The following WWC2 variants were observed in gnomAD, a reference collection of about 807,000 sequenced individuals.
WWC2 encodes the protein WW and C2 domain containing 2.
In WWC2, 101 loss-of-function variants were observed where a neutral mutation model predicts 138.5. The observed-to-expected ratio is 0.73, with a 90% confidence interval of 0.62 to 0.86. The LOEUF is 0.86. WWC2 is among the 40% of genes least tolerant of loss of function. The pLI, the probability that WWC2 is intolerant of heterozygous loss-of-function variation, is 0.00. For missense variants in WWC2, 1,420 were observed against 1,419.4 expected, an observed-to-expected ratio of 1.00 and a Z score of -0.01; for synonymous variants, 558 against 538.4, an observed-to-expected ratio of 1.04 and a Z score of -0.50.
At chr4:183,158,721 A>G (rs1323597614) in intron 1 of WWC2, among the ~76,000 whole-genome samples, 1 of 152,140 alleles carries the variant, frequency 6.6e-6, no homozygotes, top group Non-Finnish European at 1.5e-5. Flanking sequence ...TACAGAAACT[A>G]GTAAAAACTG....
At chr4:183,187,347 A>G (rs1303617190) in intron 1 of WWC2, among the ~76,000 whole-genome samples, 5 of 151,668 alleles carry the variant, frequency 3.3e-5, no homozygotes. Context: ...TGAGGTCAGG[A>G]GTTTGAGACC....
At chr4:183,185,033 G>T (rs531199717) in intron 1 of WWC2, among the ~76,000 whole-genome samples, 2 of 152,142 alleles carry the variant, frequency 1.3e-5, no homozygotes, top group South Asian at 2.1e-4. Flanking sequence ...TCTAATTTAC[G>T]TCTTTTAAAC....
intron 21 of WWC2, among the ~76,000 whole-genome samples, chr4:183,290,282 C>T (rs569095394): frequency 1.3e-4 from 20 of 152,166 alleles, no homozygotes; most frequent in Middle Eastern, 3.4e-3. Flanking sequence ...TCTGGGAGGC[C>T]GAGGCGGGTG....
intron 4 of WWC2, among the ~76,000 whole-genome samples, chr4:183,216,775 A>G (rs1487800326): frequency 6.6e-6 from 1 of 150,990 alleles, no homozygotes; most frequent in East Asian, 1.9e-4. Context: ...AATACCAGAG[A>G]GAAGGGAGCT....
chr4:183,280,951 G>A (rs757526953), intron 17 of WWC2, 54 bp downstream of exon 17: 12 of 1,509,698 alleles, frequency 7.9e-6, no homozygotes, highest in South Asian at 2.6e-5. Flanking sequence ...GTGTTTACAC[G>A]GCTTACAGTG....
intron 1 of WWC2, among the ~76,000 whole-genome samples, chr4:183,127,757 A>G (rs1033858523): frequency 1.3e-5 from 2 of 152,124 alleles, no homozygotes; most frequent in Admixed American, 6.5e-5. Flanking sequence ...GTACAATACA[A>G]TTTTTTAATT....
intron 4 of WWC2, among the ~76,000 whole-genome samples, chr4:183,215,595 A>G (rs1043143269): frequency 2.6e-5 from 4 of 152,232 alleles, no homozygotes; most frequent in Admixed American, 6.5e-5. Flanking sequence ...GAATTTGAGT[A>G]GAGTGAACTT....
In WWC2 at chr4:183,265,873, C is replaced by G. The variant is rs1216917674; in HGVS notation, c.2129C>G (p.Ala710Gly). Residue 710 changes from alanine to glycine, a missense_variant, in exon 14 of 23, where the codon GCA (alanine) becomes GGA (glycine). Coordinates refer to ENST00000403733, the MANE Select transcript of WWC2 (RefSeq NM_024949.6). Reference protein sequence around the residue: ...AQVQIGLRYNAKSSSFMVIIA... With the variant: ...AQVQIGLRYNGKSSSFMVIIA... ...AGCCTCTCTTTTGACAGATACAATGCAAAAAGTTCAAGTTTCATGGTGATT... is the reference window on the plus strand; with the variant it reads ...AGCCTCTCTTTTGACAGATACAATGGAAAAAGTTCAAGTTTCATGGTGATT... The G allele has an allele frequency of 6.2e-7, 1 of 1,612,720 alleles. No individual in the cohort carries two copies. The highest frequency in any genetic ancestry group is 8.5e-7 in the Non-Finnish European group (1 of 1,179,446).
chr4:183,133,506 T>C (rs1733006916), intron 1 of WWC2, among the ~76,000 whole-genome samples: 1 of 152,194 alleles, frequency 6.6e-6, no homozygotes, highest in Admixed American at 6.5e-5. Context: ...TCTTTTACTT[T>C]TTCTTTTTGA....
At chr4:183,136,333 G>A (rs1196015150) in intron 1 of WWC2, among the ~76,000 whole-genome samples, 4 of 151,964 alleles carry the variant, frequency 2.6e-5, no homozygotes, top group Admixed American at 2.0e-4. Context: ...TACTTCAGTT[G>A]CGACTTTCAC....
intron 4 of WWC2, among the ~76,000 whole-genome samples, chr4:183,228,300 A>C (rs956175324): frequency 2.6e-5 from 4 of 152,088 alleles, no homozygotes; most frequent in Non-Finnish European, 5.9e-5. Context: ...TAAAGCAAAA[A>C]TTGGCAGAAA....
intron 20 of WWC2, 51 bp downstream of exon 20, chr4:183,286,110 G>T: frequency 6.7e-7 from 1 of 1,500,396 alleles, no homozygotes; most frequent in Non-Finnish European, 9.1e-7. Flanking sequence ...GTCCAGAATT[G>T]TCACTTGTGC....
chr4:183,212,489 A>G (rs939584450), intron 4 of WWC2, among the ~76,000 whole-genome samples: 2 of 152,192 alleles, frequency 1.3e-5, no homozygotes, highest in African/African-American at 4.8e-5. Flanking sequence ...AAAAAAGGAA[A>G]TGAAGACATT....
At position 183,317,364 on chromosome 4, in the gene WWC2, T is replaced by C. The variant is rs1288520122; in HGVS notation, c.*1635T>C. On this transcript the variant is annotated 3_prime_UTR_variant, in exon 23 of 23. Coordinates refer to ENST00000403733, the MANE Select transcript of WWC2 (RefSeq NM_024949.6). ...ATGTCCCAACACTTACATACAAATT[T>C]CTTTGAAGACATAACTGGACATGGC... 2 of 152,488 alleles carry C rather than the reference T, an allele frequency of 1.3e-5. No homozygotes were observed. Among genetic ancestry groups the C allele is most frequent in the African/African-American group, 4.8e-5 (2 of 41,454 alleles). The allele number at this position is 152,488 out of a possible 1,614,324, so 9.4% of individuals were successfully genotyped here. A position where few individuals can be genotyped will look rare whatever the true frequency, so the allele number is the denominator to read the frequency against.
chr4:183,222,766 T>C (rs1038039405), intron 4 of WWC2, among the ~76,000 whole-genome samples: 3 of 152,110 alleles, frequency 2.0e-5, no homozygotes, highest in Admixed American at 1.3e-4. Flanking sequence ...GAGACCAGAC[T>C]GGCCAACGTG....
At chr4:183,168,011 A>G (rs1309473933) in intron 1 of WWC2, among the ~76,000 whole-genome samples, 1 of 151,846 alleles carries the variant, frequency 6.6e-6, no homozygotes, top group Non-Finnish European at 1.5e-5. Context: ...GTGCGCCACC[A>G]TGCCAAGCCA....
At chr4:183,262,169 T>G (rs999136936) in intron 11 of WWC2, among the ~76,000 whole-genome samples, 30 of 152,254 alleles carry the variant, frequency 2.0e-4, no homozygotes, top group Admixed American at 1.4e-3. Flanking sequence ...AATATCATTT[T>G]TTTGTTTGTT....
chr4:183,125,123 T>G (rs766201693), intron 1 of WWC2, among the ~76,000 whole-genome samples: 42 of 152,130 alleles, frequency 2.8e-4, no homozygotes, highest in Non-Finnish European at 5.1e-4. Context: ...CTTCAGGGCT[T>G]CTTCATGCCC....
At chr4:183,125,400 T>G (rs1043933983) in intron 1 of WWC2, among the ~76,000 whole-genome samples, 1 of 152,238 alleles carries the variant, frequency 6.6e-6, no homozygotes, top group African/African-American at 2.4e-5. Context: ...GTAAATTCTT[T>G]ATCATTTACA....
Sources: gnomAD v4.1 joint callset for allele counts (sites outside exome capture counted in the v4.1 genomes callset) on GRCh38, gnomAD v4.1.1 for gene constraint, MANE v1.5 for transcripts, NCBI Gene and HGNC (gene_info 2026-07-23, HGNC 2026-07-21) for gene names.